Variants in NLGN1 observed in about 807,000 individuals in gnomAD.
The protein encoded by NLGN1 is neuroligin-1.
In NLGN1, 12 loss-of-function variants were observed where a neutral mutation model predicts 65.5. The observed-to-expected ratio is 0.18, with a 90% CI of 0.12 to 0.30. The LOEUF is 0.30. Ranked by LOEUF, NLGN1 falls within the 10% of genes least tolerant of loss-of-function variation. NLGN1 has a pLI of 1.00. For synonymous variants in NLGN1, 350 were observed against 359.5 expected, an observed-to-expected ratio of 0.97 and a Z score of 0.30; for missense variants, 750 against 1,007.1, an observed-to-expected ratio of 0.74 and a Z score of 3.46.
intron 2 of NLGN1, among the ~76,000 whole-genome samples, chr3:173,547,401 C>T (rs1233468791): frequency 6.6e-6 from 1 of 152,104 alleles, no homozygotes; most frequent in Non-Finnish European, 1.5e-5. Context: ...AGAATGTTAT[C>T]GGGTCATTAT....
intron 4 of NLGN1, among the ~76,000 whole-genome samples, chr3:174,097,071 G>A (rs545992806): frequency 6.6e-6 from 1 of 151,980 alleles, no homozygotes; most frequent in East Asian, 1.9e-4. Flanking sequence ...CCTTGGGAAC[G>A]ATTTGAGGGT....
At chr3:173,911,328 G>A (rs375138671) in intron 4 of NLGN1, among the ~76,000 whole-genome samples, 6 of 152,080 alleles carry the variant, frequency 3.9e-5, no homozygotes, top group African/African-American at 1.4e-4. Context: ...ATAAATCTAC[G>A]TTAACCTTGT....
At chr3:173,549,909 A>G (rs1240744880) in intron 2 of NLGN1, among the ~76,000 whole-genome samples, 1 of 152,044 alleles carries the variant, frequency 6.6e-6, no homozygotes, top group East Asian at 1.9e-4. Flanking sequence ...GTGAACCATT[A>G]TTGGTGACAT....
intron 4 of NLGN1, among the ~76,000 whole-genome samples, chr3:174,239,732 C>G (rs1181643129): frequency 1.3e-5 from 2 of 152,170 alleles, no homozygotes; most frequent in Non-Finnish European, 2.9e-5. Context: ...CACCAATCAG[C>G]TATCCAGCCT....
At chr3:174,133,342 C>T (rs1720564039) in intron 4 of NLGN1, among the ~76,000 whole-genome samples, 1 of 152,220 alleles carries the variant, frequency 6.6e-6, no homozygotes, top group South Asian at 2.1e-4. Flanking sequence ...TAATCTTTGA[C>T]ATCTAAATCT....
intron 4 of NLGN1, among the ~76,000 whole-genome samples, chr3:174,027,923 T>C (rs1251300111): frequency 2.0e-5 from 3 of 152,258 alleles, no homozygotes; most frequent in South Asian, 2.1e-4. Context: ...GTGGAGATAA[T>C]TGAATCATGA....
chr3:174,289,957 A>ATATATATATGTATATATATGTG (rs1340096614), downstream of NLGN1, among the ~76,000 whole-genome samples: 11 of 41,550 alleles, frequency 2.6e-4, 1 homozygote, highest in South Asian at 5.1e-4. Flanking sequence ...ATATATGTGT[A>ATATATATATGTATATATATGTG]TATATATATA....
chr3:174,261,177 T>C (rs376577035), intron 4 of NLGN1, among the ~76,000 whole-genome samples: 24,882 of 150,790 alleles, frequency 0.17, 2,417 homozygotes, highest in African/African-American at 0.28. Context: ...GGCTCTTTTT[T>C]GGTTCCATAT....
At position 173,643,525 on chromosome 3, in the gene NLGN1, A is replaced by G. The variant is rs113996935; in HGVS notation, c.493+38434A>G. Among the ~76,000 whole-genome samples, 968 of 152,324 alleles carry G rather than the reference A, an allele frequency of 6.4e-3. 13 individuals carry two copies. The highest frequency in any genetic ancestry group is 0.022 in the African/African-American group (922 of 41,578). ...AAAATAAGGGTGAGCAAAGTACTTC[A>G]AAGTACAGTACTTTCAAAAGCAAAA... On this transcript the variant is annotated intron_variant, in intron 3 of 6. Coordinates refer to ENST00000457714, the Ensembl canonical transcript of NLGN1.
At chr3:174,097,776 C>T (rs1745811284) in intron 4 of NLGN1, among the ~76,000 whole-genome samples, 1 of 152,052 alleles carries the variant, frequency 6.6e-6, no homozygotes. Context: ...GAGATCAAAT[C>T]CTAAGGGAAG....
chr3:173,544,499 C>A (rs1288828415), intron 2 of NLGN1, among the ~76,000 whole-genome samples: 1 of 151,978 alleles, frequency 6.6e-6, no homozygotes, highest in African/African-American at 2.4e-5. Flanking sequence ...GCTTGGGCAA[C>A]TATGTAGCCG....
intron 4 of NLGN1, among the ~76,000 whole-genome samples, chr3:173,977,545 G>C (rs945420452): frequency 1.4e-4 from 22 of 151,928 alleles, no homozygotes; most frequent in African/African-American, 5.3e-4. Context: ...AAGATTTTAA[G>C]CAGGAATTAA....
chr3:174,291,839 G>A, the NLGN1 span, among the ~76,000 whole-genome samples: 741 of 151,240 alleles, frequency 4.9e-3, 3 homozygotes, highest in African/African-American at 0.017. Context: ...CACTAAATGA[G>A]GGCTATATGG....
At chr3:173,427,839 A>G (rs979002421) in intron 1 of NLGN1, among the ~76,000 whole-genome samples, 1 of 150,166 alleles carries the variant, frequency 6.7e-6, no homozygotes, top group African/African-American at 2.5e-5. Context: ...TTGGTCTGGA[A>G]ACTCTATTTT....
intron 3 of NLGN1, among the ~76,000 whole-genome samples, chr3:173,803,524 C>T (rs1334662701): frequency 1.3e-5 from 2 of 152,068 alleles, no homozygotes; most frequent in East Asian, 3.9e-4. Flanking sequence ...ATGAGAATTG[C>T]TTAAATCTGG....
chr3:173,539,668 C>CATATATAACATATATGT (rs1560406286), intron 2 of NLGN1, among the ~76,000 whole-genome samples: 1 of 66,052 alleles, frequency 1.5e-5, no homozygotes, highest in African/African-American at 3.7e-5. Flanking sequence ...TGTATATATG[C>CATATATAACATATATGT]ACATATATAA....
At chr3:174,139,177 G>A (rs747101549) in intron 4 of NLGN1, among the ~76,000 whole-genome samples, 4 of 151,666 alleles carry the variant, frequency 2.6e-5, no homozygotes, top group Non-Finnish European at 5.9e-5. Context: ...TACGTTCTGT[G>A]GGTTTGGACA....
chr3:173,660,128 G>A (rs1042806913), intron 3 of NLGN1, among the ~76,000 whole-genome samples: 16 of 151,878 alleles, frequency 1.1e-4, no homozygotes, highest in African/African-American at 3.4e-4. Flanking sequence ...GACAGCGGAG[G>A]CAGGTGAATT....
chr3:173,734,362 A>G (rs7649925), intron 3 of NLGN1, among the ~76,000 whole-genome samples: 2,212 of 134,586 alleles, frequency 0.016, 53 homozygotes, highest in African/African-American at 0.059. Context: ...TCAGATAATT[A>G]GATTCTGTGG....
Sources: gnomAD v4.1 joint callset for allele counts (sites outside exome capture counted in the v4.1 genomes callset) on GRCh38, gnomAD v4.1.1 for gene constraint, MANE v1.5 for transcripts, NCBI Gene and HGNC (gene_info 2026-07-23, HGNC 2026-07-21) for gene names.